ZNF407: variants seen among roughly 807,000 people sequenced by gnomAD.
ZNF407 encodes zinc finger protein 407.
In ZNF407, 17 loss-of-function variants were observed where a neutral mutation model predicts 131.2. The ratio of observed to expected loss-of-function variants is 0.13; its 90% CI spans 0.09 to 0.19. ZNF407 has a LOEUF of 0.19. ZNF407 is among the 10% of genes least tolerant of loss of function. The pLI is 1.00. For missense variants in ZNF407, 2,681 were observed against 2,830.6 expected (o/e 0.95, Z 1.20); for synonymous variants, 1,156 against 1,062.0 (o/e 1.09, Z -1.72).
At chr18:74,808,989 TA>T (rs1279511047) in intron 4 of ZNF407, among the ~76,000 whole-genome samples, 1 of 152,212 alleles carries the variant, frequency 6.6e-6, no homozygotes, top group African/African-American at 2.4e-5. Context: ...AATGTGGAGC[TA>T]ACACAGACCG....
intron 8 of ZNF407, among the ~76,000 whole-genome samples, chr18:74,982,592 C>T (rs12966274): frequency 1.3e-5 from 2 of 152,136 alleles, no homozygotes; most frequent in Non-Finnish European, 2.9e-5. Context: ...AGCTATCACT[C>T]ATACTCCAGT....
rs1330217471 is a variant in ZNF407 at position 74,634,603 on chromosome 18, C to G, written c.3584C>G (p.Pro1195Arg). 3.1e-6 allele frequency: 5 copies of G among 1,613,780 alleles called. No homozygotes were observed. Among genetic ancestry groups the G allele is most frequent in the Admixed American group, 3.3e-5 (2 of 60,010 alleles). Residue 1195 changes from proline to arginine, a missense_variant, in exon 2 of 9, where the codon CCA (proline) becomes CGA (arginine). Physicochemically the swap from Pro to Arg is moderately radical, Grantham distance 103. This residue lies in a region of ZNF407 where 1,789 missense variants were observed against 1,748.7 expected (regional missense o/e 1.02). Coordinates refer to ENST00000299687, the MANE Select transcript of ZNF407 (RefSeq NM_017757.3). ...SLTMSSNYGSPSRFQNENSGS... is the reference protein window; with the variant it reads ...SLTMSSNYGSRSRFQNENSGS... ...ACTATGTCCTCAAACTATGGCTCCC[C>G]AAGCAGATTTCAAAATGAAAATTCA...
At chr18:74,833,397 T>A (rs1448947648) in intron 4 of ZNF407, among the ~76,000 whole-genome samples, 2 of 152,158 alleles carry the variant, frequency 1.3e-5, no homozygotes, top group Non-Finnish European at 2.9e-5. Context: ...CTGTAATAAA[T>A]GACATGGTGC....
At chr18:74,598,817 G>C (rs1482934714) in intron 1 of ZNF407, among the ~76,000 whole-genome samples, 2 of 152,258 alleles carry the variant, frequency 1.3e-5, no homozygotes, top group East Asian at 3.8e-4. Context: ...AGTTTAAGCT[G>C]GTGGAGGCGG....
intron 3 of ZNF407, among the ~76,000 whole-genome samples, chr18:74,736,183 A>G (rs548310989): frequency 8.5e-5 from 13 of 152,276 alleles, no homozygotes; most frequent in African/African-American, 3.1e-4. Context: ...TTTTAATTTC[A>G]AGAAAAATAT....
intron 8 of ZNF407, among the ~76,000 whole-genome samples, chr18:74,995,742 G>C (rs943075236): frequency 6.6e-6 from 1 of 152,148 alleles, no homozygotes; most frequent in African/African-American, 2.4e-5. Context: ...TCATTCGGCT[G>C]TGCTCTGAGG....
intron 1 of ZNF407, among the ~76,000 whole-genome samples, chr18:74,600,092 G>A (rs8086972): frequency 0.021 from 3,218 of 152,288 alleles, 106 homozygotes; most frequent in African/African-American, 0.07. Context: ...AAGCAAATGC[G>A]CATTGGCAGT....
At chr18:74,617,108 TCCACACA>T (rs1983342240) in intron 1 of ZNF407, among the ~76,000 whole-genome samples, 1 of 105,982 alleles carries the variant, frequency 9.4e-6, no homozygotes, top group Non-Finnish European at 1.9e-5. Flanking sequence ...CACATCCATA[TCCACACA>T]CCACACACAT....
intron 4 of ZNF407, among the ~76,000 whole-genome samples, chr18:74,782,885 G>A (rs1974956): frequency 0.64 from 97,065 of 152,052 alleles, 33,288 homozygotes; most frequent in East Asian, 0.95. Context: ...TTACAGGCTT[G>A]AGCGACCGTG....
chr18:74,951,069 G>T (rs1972208109), intron 8 of ZNF407, among the ~76,000 whole-genome samples: 1 of 152,078 alleles, frequency 6.6e-6, no homozygotes, highest in Non-Finnish European at 1.5e-5. Context: ...AATAGTCTTA[G>T]TTCCCTTCAT....
In ZNF407 at chr18:74,633,778, T is replaced by C. The variant is rs760097977; in HGVS notation, c.2759T>C (p.Ile920Thr). 8 of 1,613,590 alleles carry C rather than the reference T, an allele frequency of 5.0e-6. No homozygotes were observed. The highest frequency in any genetic ancestry group is 3.4e-6 in the Non-Finnish European group (4 of 1,179,838). ...EASGKHSSDIIVGPEGGSLEA... is the reference protein window; with the variant it reads ...EASGKHSSDITVGPEGGSLEA... ...AGTGGAAAACACAGTTCAGATATCA[T>C]TGTTGGCCCTGAAGGGGGTAGCCTT... Residue 920 changes from isoleucine (I) to threonine (T), a missense_variant, in exon 2 of 9, where the codon ATT becomes ACT. Physicochemically the swap from Ile to Thr is moderately conservative, Grantham distance 89. Around this residue, in one of 6 missense-constraint regions of ZNF407, gnomAD observed 1,789 missense variants for 1,748.7 expected, o/e 1.02. Coordinates refer to ENST00000299687, the MANE Select transcript of ZNF407 (RefSeq NM_017757.3).
chr18:74,645,789 G>A (rs369504665), intron 3 of ZNF407, among the ~76,000 whole-genome samples: 7 of 152,148 alleles, frequency 4.6e-5, no homozygotes, highest in Admixed American at 4.6e-4. Context: ...ACGTGTCAGA[G>A]AATGTCTGTA....
chr18:74,935,719 G>A (rs1053847031), intron 8 of ZNF407, among the ~76,000 whole-genome samples: 1 of 152,150 alleles, frequency 6.6e-6, no homozygotes, highest in Non-Finnish European at 1.5e-5. Flanking sequence ...AGAGGAGATC[G>A]ATGGAAGCAC....
intron 4 of ZNF407, among the ~76,000 whole-genome samples, chr18:74,841,929 A>C (rs1420082931): frequency 1.3e-5 from 2 of 152,208 alleles, no homozygotes; most frequent in Non-Finnish European, 2.9e-5. Context: ...TGCAGTCCTA[A>C]AATTGTGAAC....
chr18:74,628,972 G>A (rs942250022), intron 1 of ZNF407, among the ~76,000 whole-genome samples: 2 of 152,170 alleles, frequency 1.3e-5, no homozygotes, highest in African/African-American at 4.8e-5. Context: ...CATTTGGGTT[G>A]TTTCCACCTT....
intron 4 of ZNF407, among the ~76,000 whole-genome samples, chr18:74,850,742 A>G (rs1970770677): frequency 1.3e-5 from 2 of 152,158 alleles, no homozygotes; most frequent in Admixed American, 1.3e-4. Context: ...ACACCCATGT[A>G]GCAGCCCCTT....
intron 4 of ZNF407, among the ~76,000 whole-genome samples, chr18:74,867,334 G>C (rs1433913366): frequency 6.6e-6 from 1 of 152,218 alleles, no homozygotes; most frequent in Non-Finnish European, 1.5e-5. Context: ...TTGCTGGCAA[G>C]AAACTATGAC....
chr18:74,797,215 C>T (rs934576485), intron 4 of ZNF407, among the ~76,000 whole-genome samples: 13 of 152,184 alleles, frequency 8.5e-5, no homozygotes, highest in Admixed American at 8.5e-4. Context: ...GTCTGCGTGG[C>T]CTTCAAGGGG....
intron 3 of ZNF407, among the ~76,000 whole-genome samples, chr18:74,722,470 A>AT (rs1283674752): frequency 1.3e-5 from 2 of 152,058 alleles, no homozygotes; most frequent in African/African-American, 4.8e-5. Context: ...GTGTGTCAGG[A>AT]TTTCCTCATT....
Sources: allele counts gnomAD v4.1 joint callset (sites outside exome capture counted in the v4.1 genomes callset), GRCh38; gene constraint gnomAD v4.1.1; regional missense constraint gnomAD v4.1.1; transcripts MANE v1.5; gene names NCBI Gene and HGNC (gene_info 2026-07-23, HGNC 2026-07-21).